The following FHOD3 variants were observed in gnomAD, a reference collection of about 807,000 sequenced individuals.
The protein encoded by FHOD3 is FH1/FH2 domain-containing protein 3.
FHOD3 carries 90 observed loss-of-function variants against 173.0 expected under a neutral mutation model. The observed-to-expected ratio is 0.52, with a 90% confidence interval of 0.44 to 0.62. The LOEUF is 0.62. Ranked by LOEUF, FHOD3 falls within the 20% of genes least tolerant of loss-of-function variation. The probability of loss-of-function intolerance (pLI) is 0.00; values close to 1 mark genes in which losing one functional copy is unlikely to be tolerated. For synonymous variants in FHOD3, 828 were observed against 823.0 expected, an observed-to-expected ratio of 1.01 and a Z score of -0.10; for missense variants, 1,945 against 2,034.7, an observed-to-expected ratio of 0.96 and a Z score of 0.85.
intron 3 of FHOD3, among the ~76,000 whole-genome samples, chr18:36,455,037 A>G (rs1245264659): frequency 6.6e-6 from 1 of 152,216 alleles, no homozygotes; most frequent in Non-Finnish European, 1.5e-5. Context: ...TCTTTACAGA[A>G]CAAACAAAGG....
intron 2 of FHOD3, among the ~76,000 whole-genome samples, chr18:36,364,434 T>C (rs2046789036): frequency 6.6e-6 from 1 of 152,168 alleles, no homozygotes; most frequent in African/African-American, 2.4e-5. Context: ...CTTTCACTCA[T>C]ATGATTTTGG....
chr18:36,723,096 A>T (rs769516945), intron 19 of FHOD3, among the ~76,000 whole-genome samples: 1 of 152,140 alleles, frequency 6.6e-6, no homozygotes, highest in Non-Finnish European at 1.5e-5. Context: ...CCAGAGAAAG[A>T]TGTCAGGGCC....
intron 6 of FHOD3, among the ~76,000 whole-genome samples, chr18:36,580,997 T>G (rs1278387675): frequency 6.6e-6 from 1 of 152,232 alleles, no homozygotes; most frequent in South Asian, 2.1e-4. Flanking sequence ...TCATCATTTT[T>G]CTTCCATGAA....
chr18:36,736,753 G>T (rs1481508997), intron 20 of FHOD3, among the ~76,000 whole-genome samples: 3 of 152,138 alleles, frequency 2.0e-5, no homozygotes, highest in Non-Finnish European at 4.4e-5. Flanking sequence ...GACCAGGAGT[G>T]GTTTTGGAAA....
intron 17 of FHOD3, among the ~76,000 whole-genome samples, chr18:36,699,259 C>G (rs2039450153): frequency 6.6e-6 from 1 of 152,150 alleles, no homozygotes; most frequent in Non-Finnish European, 1.5e-5. Context: ...ACAAAAAATT[C>G]AAGTTTTGAA....
intron 8 of FHOD3, among the ~76,000 whole-genome samples, chr18:36,606,568 T>C (rs989539498): frequency 4.6e-5 from 7 of 152,184 alleles, no homozygotes; most frequent in Admixed American, 2.0e-4. Flanking sequence ...CCAAAATTCA[T>C]GTCCTCCTCA....
chr18:36,574,156 C>A (rs2058561356), intron 5 of FHOD3, among the ~76,000 whole-genome samples: 1 of 152,188 alleles, frequency 6.6e-6, no homozygotes, highest in South Asian at 2.1e-4. Flanking sequence ...GCGCTAAATA[C>A]ATGGTAACTT....
At chr18:36,380,588 C>CT (rs2047721536) in intron 3 of FHOD3, among the ~76,000 whole-genome samples, 1 of 112,238 alleles carries the variant, frequency 8.9e-6, no homozygotes, top group African/African-American at 3.6e-5. Flanking sequence ...TTTTCCTTTC[C>CT]TTTCCTTTCC....
intron 3 of FHOD3, among the ~76,000 whole-genome samples, chr18:36,482,852 C>G (rs1221060308): frequency 4.0e-4 from 40 of 101,220 alleles, no homozygotes; most frequent in African/African-American, 1.5e-3. Context: ...CACACTCACA[C>G]ACACACAGAG....
In FHOD3 at chr18:36,573,150, C is replaced by CTTTTT. The variant is rs60486589; in HGVS notation, c.512-3291_512-3287dup. ...CACATTATTCAGTCTTATTTTTGTT[C>CTTTTT]TTTTTTTTTTTTTTAACATATTTTA... On this transcript the variant is annotated intron_variant, in intron 5 of 28. Transcript: ENST00000590592. Among the ~76,000 whole-genome samples, 17 of 140,734 alleles carry CTTTTT rather than the reference C, an allele frequency of 1.2e-4. 1 individual carries two copies. The highest frequency in any genetic ancestry group is 4.4e-4 in the African/African-American group (17 of 38,604). The allele number at this position is 140,734 out of a possible 152,430, so 92.3% of individuals were successfully genotyped here.
intron 6 of FHOD3, among the ~76,000 whole-genome samples, chr18:36,588,732 G>A (rs116615160): frequency 0.011 from 1,635 of 152,210 alleles, 31 homozygotes; most frequent in African/African-American, 0.037. Context: ...TTGTTTTTAC[G>A]TGTAAAAGTA....
chr18:36,699,338 C>G (rs890417085), intron 17 of FHOD3, among the ~76,000 whole-genome samples: 1 of 152,236 alleles, frequency 6.6e-6, no homozygotes, highest in African/African-American at 2.4e-5. Context: ...TCGCCTGGAG[C>G]AGGCACTTGG....
intron 16 of FHOD3, among the ~76,000 whole-genome samples, chr18:36,687,756 G>A (rs2038718425): frequency 6.6e-6 from 1 of 152,132 alleles, no homozygotes; most frequent in Admixed American, 6.5e-5. Flanking sequence ...ATGAGTAAAT[G>A]AACCAACAGC....
chr18:36,382,168 G>A (rs2047824135), intron 3 of FHOD3, among the ~76,000 whole-genome samples: 1 of 152,186 alleles, frequency 6.6e-6, no homozygotes, highest in Non-Finnish European at 1.5e-5. Context: ...TGCAGTGTGT[G>A]CTTCACATCT....
At chr18:36,469,156 A>G (rs2053128160) in intron 3 of FHOD3, among the ~76,000 whole-genome samples, 1 of 151,946 alleles carries the variant, frequency 6.6e-6, no homozygotes, top group African/African-American at 2.4e-5. Context: ...TTTTACATAT[A>G]CCCTCTTCAT....
chr18:36,553,147 C>A (rs1425803263), intron 5 of FHOD3, among the ~76,000 whole-genome samples: 1 of 152,180 alleles, frequency 6.6e-6, no homozygotes, highest in Non-Finnish European at 1.5e-5. Context: ...GTTGAACCAG[C>A]CTTGCATCCC....
intron 5 of FHOD3, among the ~76,000 whole-genome samples, chr18:36,517,967 G>A (rs903553026): frequency 1.3e-5 from 2 of 152,116 alleles, no homozygotes; most frequent in Non-Finnish European, 2.9e-5. Flanking sequence ...TGGCATTGAT[G>A]GTACCAGAAA....
chr18:36,316,352 G>C (rs1171078918), intron 1 of FHOD3, among the ~76,000 whole-genome samples: 1 of 152,096 alleles, frequency 6.6e-6, no homozygotes, highest in Non-Finnish European at 1.5e-5. Context: ...GGGTGTGTAG[G>C]GGAGAAAACT....
chr18:36,753,283 A>G (rs1034360376), intron 24 of FHOD3, among the ~76,000 whole-genome samples: 9 of 152,062 alleles, frequency 5.9e-5, no homozygotes, highest in African/African-American at 2.2e-4. Flanking sequence ...CACACTACAC[A>G]TGGTGTCTGG....
Sources: allele counts gnomAD v4.1 joint callset (sites outside exome capture counted in the v4.1 genomes callset), GRCh38; gene constraint gnomAD v4.1.1; transcripts MANE v1.5; gene names NCBI Gene and HGNC (gene_info 2026-07-23, HGNC 2026-07-21).